PHC2: variants seen among roughly 807,000 people sequenced by gnomAD.
The protein encoded by PHC2 is polyhomeotic homolog 2, also known as polyhomeotic-like protein 2.
A neutral mutation model predicts 87.4 loss-of-function variants in PHC2; 29 were observed. The ratio of observed to expected loss-of-function variants is 0.33; its 90% CI spans 0.25 to 0.45. PHC2 has a LOEUF of 0.45. Ranked by LOEUF, PHC2 falls within the 20% of genes least tolerant of loss-of-function variation. The pLI is 1.00. For synonymous variants in PHC2, 438 were observed against 461.7 expected (o/e 0.95, Z 0.66); for missense variants, 857 against 1,136.7 (o/e 0.75, Z 3.54).
At chr1:33,348,099 G>C (rs1570468432) in intron 9 of PHC2, among the ~76,000 whole-genome samples, 1 of 152,196 alleles carries the variant, frequency 6.6e-6, no homozygotes, top group East Asian at 1.9e-4. Context: ...AACCAGAACT[G>C]CTTTGCTGTG....
intron 7 of PHC2, among the ~76,000 whole-genome samples, chr1:33,365,238 C>T (rs1035670702): frequency 2.6e-5 from 4 of 152,096 alleles, no homozygotes; most frequent in Admixed American, 1.3e-4. Flanking sequence ...TTTAAAGAAG[C>T]GTGATGCATA....
chr1:33,425,578 T>G (rs1261210129), intron 1 of PHC2, among the ~76,000 whole-genome samples: 4 of 152,224 alleles, frequency 2.6e-5, no homozygotes, highest in Non-Finnish European at 4.4e-5. Context: ...AGAGGAAGAT[T>G]ACTAATTCTT....
At chr1:33,335,195 C>T (rs1025971968) in intron 9 of PHC2, 8 of 985,314 alleles carry the variant, frequency 8.1e-6, no homozygotes, top group Non-Finnish European at 9.6e-6. Flanking sequence ...AGTGAACTTC[C>T]TCTCTTCCAC....
chr1:33,408,849 C>T (rs977438102), intron 1 of PHC2, among the ~76,000 whole-genome samples: 1 of 152,132 alleles, frequency 6.6e-6, no homozygotes, highest in African/African-American at 2.4e-5. Flanking sequence ...TCTTGACTTC[C>T]TTGTTACCAT....
chr1:33,378,740 G>A (rs1460072462), intron 1 of PHC2, among the ~76,000 whole-genome samples: 1 of 152,126 alleles, frequency 6.6e-6, no homozygotes, highest in Non-Finnish European at 1.5e-5. Context: ...GACAGCCACA[G>A]CTATCAAAAG....
rs1269029311 is a variant in PHC2 at position 33,350,206 on chromosome 1, C to CT, written c.1558+4194dup. ...AGGGGCCTGGGGGTCAGTCAGAAGA[C>CT]TAACGACCACCAGTCACCGAGAGCT... On this transcript the variant is annotated intron_variant, in intron 9 of 14. Transcript: ENST00000683057. 21 of 152,298 alleles carry CT rather than the reference C, an allele frequency of 1.4e-4. No individual in the cohort carries two copies. The East Asian group carries it at 4.1e-3, about 30-fold the overall frequency. 9.4% of individuals were successfully genotyped at this position (152,298 alleles called of 1,614,324 possible).
At chr1:33,413,674 C>T (rs1650072843) in intron 1 of PHC2, among the ~76,000 whole-genome samples, 1 of 152,206 alleles carries the variant, frequency 6.6e-6, no homozygotes, top group African/African-American at 2.4e-5. Flanking sequence ...AAAGGCTTGT[C>T]TTTGAGCAGC....
intron 1 of PHC2, among the ~76,000 whole-genome samples, chr1:33,380,935 G>A (rs1243227304): frequency 2.6e-5 from 4 of 152,102 alleles, no homozygotes; most frequent in Non-Finnish European, 4.4e-5. Flanking sequence ...TTGGAATTTG[G>A]CTGCCTTGCT....
chr1:33,356,257 A>ATATATATATATATATG (rs1280192001), intron 7 of PHC2, among the ~76,000 whole-genome samples: 6 of 83,062 alleles, frequency 7.2e-5, no homozygotes, highest in Admixed American at 1.0e-4. Flanking sequence ...TCTTATATAT[A>ATATATATATATATATG]TATATATATA....
In PHC2 at chr1:33,329,967, G is replaced by A. The variant is rs914929126; in HGVS notation, c.2148+104C>T. 4.0e-6 allele frequency: 5 copies of A among 1,254,432 alleles called. No individual in the cohort carries two copies. In the African/African-American group the frequency reaches 7.3e-5, roughly 18 times the overall value. The allele number at this position is 1,254,432 out of a possible 1,614,324, so 77.7% of individuals were successfully genotyped here. On this transcript the variant is annotated intron_variant, in intron 13 of 14. Transcript: ENST00000683057. ...CTACAAGGAATGAGAGCACAGCAGA[G>A]TGCGCTGAAGTCGGCAGCTGGAGGG...
chr1:33,349,824 A>AGCGCGGGCGGCGGCCGGGGTTGCGCGC lies in PHC2; in HGVS notation c.1558+4550_1558+4576dup. 9.2e-6 allele frequency: 9 copies of AGCGCGGGCGGCGGCCGGGGTTGCGCGC among 973,244 alleles called. No homozygotes were observed. Among genetic ancestry groups the AGCGCGGGCGGCGGCCGGGGTTGCGCGC allele is most frequent in the Non-Finnish European group, 1.1e-5 (9 of 822,898 alleles). 60.3% of individuals were successfully genotyped at this position (973,244 alleles called of 1,614,324 possible). A position where few individuals can be genotyped will look rare whatever the true frequency, so the allele number is the denominator to read the frequency against. On this transcript the variant is annotated intron_variant, in intron 9 of 14. Coordinates refer to ENST00000683057, the MANE Select transcript of PHC2 (RefSeq NM_001385109.1). The surrounding 1 kb of genome is among the most constrained non-coding windows in gnomAD (Gnocchi z 4.2). ...GACGGGGGCGCGAGGCCGGGGCGGGAGCGCGGGCGGCGGCCGGGGTTGCGC... is the reference window on the plus strand; with the variant it reads ...GACGGGGGCGCGAGGCCGGGGCGGGAGCGCGGGCGGCGGCCGGGGTTGCGCGCGCGCGGGCGGCGGCCGGGGTTGCGC...
chr1:33,358,139 T>C (rs1647127872), intron 7 of PHC2, among the ~76,000 whole-genome samples: 3 of 152,060 alleles, frequency 2.0e-5, no homozygotes, highest in Admixed American at 2.0e-4. Flanking sequence ...CAATTCAGGG[T>C]TAATAAGGAG....
intron 6 of PHC2, among the ~76,000 whole-genome samples, chr1:33,367,961 G>A (rs1647581640): frequency 6.6e-6 from 1 of 152,178 alleles, no homozygotes; most frequent in Non-Finnish European, 1.5e-5. Flanking sequence ...GCTGGACACA[G>A]GGAGGCTGTG....
chr1:33,388,467 G>A (rs1428038698), intron 1 of PHC2, among the ~76,000 whole-genome samples: 3 of 152,024 alleles, frequency 2.0e-5, no homozygotes, highest in Admixed American at 6.6e-5. Flanking sequence ...GGGATTACAG[G>A]CATGCGCCAC....
At chr1:33,356,082 C>T (rs1362950745) in intron 7 of PHC2, among the ~76,000 whole-genome samples, 1 of 151,756 alleles carries the variant, frequency 6.6e-6, no homozygotes, top group Non-Finnish European at 1.5e-5. Context: ...GTAATTGTTT[C>T]TTATCTGTCT....
intron 14 of PHC2, among the ~76,000 whole-genome samples, chr1:33,326,778 C>T (rs1646380561): frequency 6.6e-6 from 1 of 152,072 alleles, no homozygotes; most frequent in Admixed American, 6.5e-5. Context: ...CATGGTGAAA[C>T]CCCATCTCTA....
intron 7 of PHC2, among the ~76,000 whole-genome samples, chr1:33,360,986 G>T (rs1456298424): frequency 6.6e-6 from 1 of 152,240 alleles, no homozygotes; most frequent in Non-Finnish European, 1.5e-5. Flanking sequence ...CGCAAGCCTA[G>T]GAGTATTAGT....
chr1:33,331,524 C>G lies in PHC2; in HGVS notation c.1892-62G>C, dbSNP rs1646496978. The G allele has an allele frequency of 1.0e-6, 1 of 971,146 alleles. No individual in the cohort carries two copies. The highest frequency in any genetic ancestry group is 1.6e-6 in the Non-Finnish European group (1 of 607,728). The allele number at this position is 971,146 out of a possible 1,614,324, so 60.2% of individuals were successfully genotyped here. A position where few individuals can be genotyped will look rare whatever the true frequency, so the allele number is the denominator to read the frequency against. Reference sequence around the variant, plus strand: ...AAATTCCTGCAGGACTGTGGCCAGCCCCACCACGGGGCCTCCCTACTCCAT... The same window carrying G: ...AAATTCCTGCAGGACTGTGGCCAGCGCCACCACGGGGCCTCCCTACTCCAT... On this transcript the variant is annotated intron_variant, in intron 11 of 14. Coordinates refer to ENST00000683057, the MANE Select transcript of PHC2 (RefSeq NM_001385109.1). The surrounding 1 kb of genome is among the most constrained non-coding windows in gnomAD (Gnocchi z 5.2).
intron 7 of PHC2, among the ~76,000 whole-genome samples, chr1:33,361,881 A>G (rs962405734): frequency 2.6e-5 from 4 of 152,244 alleles, no homozygotes; most frequent in Admixed American, 2.0e-4. Context: ...TCACTTGCAC[A>G]GGCCATCTCA....
Sources: gnomAD v4.1 joint callset for allele counts (sites outside exome capture counted in the v4.1 genomes callset) on GRCh38, gnomAD v4.1.1 for gene constraint, Gnocchi (gnomAD v3.1) non-coding constraint, MANE v1.5 for transcripts, NCBI Gene and HGNC (gene_info 2026-07-23, HGNC 2026-07-21) for gene names.